The following CNTN3 variants were observed in gnomAD, a reference collection of about 807,000 sequenced individuals.
CNTN3 encodes contactin-3.
Under a neutral mutation model 119.1 loss-of-function variants are expected in CNTN3, and 60 were observed. The ratio of observed to expected loss-of-function variants is 0.50; its 90% CI spans 0.41 to 0.62. The LOEUF (loss-of-function observed/expected upper bound fraction) is 0.62. Among genes scored for constraint, CNTN3 ranks in the 20% least tolerant of loss-of-function variants. CNTN3 has a pLI of 0.00. For synonymous variants in CNTN3, 450 were observed against 438.7 expected, an observed-to-expected ratio of 1.03 and a Z score of -0.32; for missense variants, 1,101 against 1,242.4, an observed-to-expected ratio of 0.89 and a Z score of 1.71.
chr3:74,314,622 CT>C lies in CNTN3; in HGVS notation c.1669-11816del, dbSNP rs542994975. Among the ~76,000 whole-genome samples the C allele has an allele frequency of 3.0e-3, 453 of 152,198 alleles. 3 individuals are homozygous for C. The highest frequency in any genetic ancestry group is 0.01 in the African/African-American group (425 of 41,532). The stretch of plus-strand genomic sequence containing the variant: ...GTAACAATTCTTTACGTGTATTTAC[CT>C]AACAACAGAGCATCAAAATACATAA... On this transcript the variant is annotated intron_variant, in intron 13 of 22. Transcript: ENST00000263665.
chr3:74,342,157 A>G (rs1559555131), intron 11 of CNTN3, among the ~76,000 whole-genome samples: 1 of 152,168 alleles, frequency 6.6e-6, no homozygotes, highest in Non-Finnish European at 1.5e-5. Context: ...TACATTGATG[A>G]AAATGTATGA....
intron 4 of CNTN3, among the ~76,000 whole-genome samples, chr3:74,437,261 G>A (rs1051752562): frequency 2.0e-5 from 3 of 152,150 alleles, no homozygotes; most frequent in Admixed American, 6.5e-5. Context: ...GATTGAGACC[G>A]TCCTGGTTAT....
intron 1 of CNTN3, among the ~76,000 whole-genome samples, chr3:74,542,246 ACTCTAGC>A (rs1205982906): frequency 6.6e-6 from 1 of 152,062 alleles, no homozygotes; most frequent in East Asian, 1.9e-4. Context: ...AATGTAGCAT[ACTCTAGC>A]CTCTTCAGAG....
rs3084509 is a variant in CNTN3, at chr3:74,288,159, C to CTTTT, written c.2518-2672_2518-2669dup. On this transcript the variant is annotated intron_variant, in intron 19 of 22. Coordinates refer to ENST00000263665, the MANE Select transcript of CNTN3 (RefSeq NM_020872.3). The stretch of plus-strand genomic sequence containing the variant: ...CATCTTTTTTCTTTTCTTTTCTTTT[C>CTTTT]TTTTTTTTTTTTTTTTTGAGACAGA... Among the ~76,000 whole-genome samples, 336 of 90,246 alleles carry CTTTT rather than the reference C, an allele frequency of 3.7e-3. 1 individual carries two copies. Among genetic ancestry groups the CTTTT allele is most frequent in the South Asian group, 6.2e-3 (12 of 1,944 alleles). The allele number at this position is 90,246 out of a possible 152,430, so 59.2% of individuals were successfully genotyped here.
intron 5 of CNTN3, among the ~76,000 whole-genome samples, chr3:74,419,499 A>AT (rs1274172921): frequency 6.6e-6 from 1 of 152,284 alleles, no homozygotes; most frequent in Admixed American, 6.5e-5. Flanking sequence ...TTACAAGGCA[A>AT]TTTTTACCAT....
At chr3:74,496,950 A>G (rs7619883) in intron 3 of CNTN3, among the ~76,000 whole-genome samples, 14,996 of 151,992 alleles carry the variant, frequency 0.099, 1,405 homozygotes, top group East Asian at 0.24. Flanking sequence ...AGTTGGCATC[A>G]GTCTATAAGG....
intron 4 of CNTN3, among the ~76,000 whole-genome samples, chr3:74,461,599 C>T (rs972315036): frequency 6.6e-6 from 1 of 152,030 alleles, no homozygotes; most frequent in African/African-American, 2.4e-5. Flanking sequence ...TAGGTTCATG[C>T]ATTTGTTTCC....
intron 1 of CNTN3, among the ~76,000 whole-genome samples, chr3:74,597,456 T>A (rs539642375): frequency 3.9e-5 from 6 of 151,978 alleles, no homozygotes; most frequent in Non-Finnish European, 7.4e-5. Flanking sequence ...GAAATGGAAT[T>A]TACAATTACT....
intron 2 of CNTN3, among the ~76,000 whole-genome samples, chr3:74,520,558 T>C (rs2107120836): frequency 6.6e-6 from 1 of 151,576 alleles, no homozygotes; most frequent in Admixed American, 6.6e-5. Flanking sequence ...TAATTTTTTT[T>C]CATTTTTTCT....
chr3:74,367,463 C>T (rs998197688), intron 8 of CNTN3, among the ~76,000 whole-genome samples: 1 of 151,154 alleles, frequency 6.6e-6, no homozygotes, highest in African/African-American at 2.5e-5. Context: ...CAAAGTGAAG[C>T]ACTTAATTGT....
At chr3:74,409,851 C>T (rs1459228793) in intron 5 of CNTN3, among the ~76,000 whole-genome samples, 1 of 152,132 alleles carries the variant, frequency 6.6e-6, no homozygotes, top group Admixed American at 6.6e-5. Flanking sequence ...AAAATGCCTT[C>T]ATTGCATTAT....
At chr3:74,594,686 C>T (rs1704767732) in intron 1 of CNTN3, among the ~76,000 whole-genome samples, 1 of 152,038 alleles carries the variant, frequency 6.6e-6, no homozygotes, top group Admixed American at 6.6e-5. Context: ...TTTCTTAATC[C>T]AGTCTATCAT....
At chr3:74,280,703 C>G (rs1446021414) in intron 20 of CNTN3, among the ~76,000 whole-genome samples, 2 of 152,190 alleles carry the variant, frequency 1.3e-5, no homozygotes, top group Admixed American at 6.5e-5. Flanking sequence ...TACTTAAGCA[C>G]TGGAGTAGAG....
At chr3:74,361,838 G>A in intron 11 of CNTN3, 52 bp downstream of exon 11, 1 of 1,544,076 alleles carries the variant, frequency 6.5e-7, no homozygotes, top group Non-Finnish European at 8.8e-7. Flanking sequence ...GTTGACATCA[G>A]TATGGAAAGT....
At chr3:74,290,720 C>T (rs1373419184) in intron 19 of CNTN3, among the ~76,000 whole-genome samples, 1 of 151,996 alleles carries the variant, frequency 6.6e-6, no homozygotes, top group Non-Finnish European at 1.5e-5. Context: ...GAGACGGAGT[C>T]TCGCTGTGTT....
intron 5 of CNTN3, among the ~76,000 whole-genome samples, chr3:74,376,386 C>G (rs953197094): frequency 6.6e-6 from 1 of 152,178 alleles, no homozygotes; most frequent in Non-Finnish European, 1.5e-5. Flanking sequence ...ACCTCCTGAG[C>G]TCTGCCTCCT....
intron 5 of CNTN3, among the ~76,000 whole-genome samples, chr3:74,411,138 C>T (rs908404477): frequency 1.1e-4 from 16 of 152,020 alleles, no homozygotes; most frequent in African/African-American, 3.6e-4. Flanking sequence ...AGTGTCCTAT[C>T]CTCTTTCTTT....
chr3:74,511,135 A>G (rs1199109789), intron 2 of CNTN3, among the ~76,000 whole-genome samples: 1 of 152,100 alleles, frequency 6.6e-6, no homozygotes, highest in African/African-American at 2.4e-5. Flanking sequence ...TTTAAATTGA[A>G]TGGCTTCATT....
At chr3:74,323,307 AT>A (rs1403460813) in intron 13 of CNTN3, among the ~76,000 whole-genome samples, 1 of 150,940 alleles carries the variant, frequency 6.6e-6, no homozygotes, top group African/African-American at 2.4e-5. Context: ...CAACTGTGTA[AT>A]AAATAAAGTT....
Sources: allele counts gnomAD v4.1 joint callset (sites outside exome capture counted in the v4.1 genomes callset), GRCh38; gene constraint gnomAD v4.1.1; transcripts MANE v1.5; gene names NCBI Gene and HGNC (gene_info 2026-07-23, HGNC 2026-07-21).